DOCK1: variants seen among roughly 807,000 people sequenced by gnomAD.
The protein encoded by DOCK1 is dedicator of cytokinesis 1, also known as dedicator of cytokinesis protein 1.
Under a neutral mutation model 262.7 loss-of-function variants are expected in DOCK1, and 138 were observed. The ratio of observed to expected loss-of-function variants is 0.53; its 90% CI spans 0.46 to 0.61. The LOEUF is 0.61. Among genes scored for constraint, DOCK1 ranks in the 20% least tolerant of loss-of-function variants. The pLI is 0.00. For missense variants in DOCK1, 1,908 were observed against 2,370.7 expected, an observed-to-expected ratio of 0.80 and a Z score of 4.05; for synonymous variants, 866 against 867.4, an observed-to-expected ratio of 1.00 and a Z score of 0.03.
Position 127,418,322 on chromosome 10 carries a change from G to A in DOCK1, c.4516-43G>A, listed in dbSNP as rs2068282123. Reference sequence around the variant, plus strand: ...CCTCTGGTGAGACCCTGGGAGTGGAGGCAGCTGTGGGGCTGACATCGGGCT... The same window carrying A: ...CCTCTGGTGAGACCCTGGGAGTGGAAGCAGCTGTGGGGCTGACATCGGGCT... On this transcript the variant is annotated intron_variant, in intron 44 of 51. Transcript: ENST00000623213. The A allele has an allele frequency of 3.2e-6, 5 of 1,542,518 alleles. No individual in the cohort carries two copies. In the East Asian group the frequency reaches 1.2e-4, roughly 36 times the overall value.
chr10:127,257,211 T>C (rs561520235), intron 28 of DOCK1, 124 bp from the exon 29 acceptor site: 1 of 765,084 alleles, frequency 1.3e-6, no homozygotes, highest in African/African-American at 1.7e-5. Flanking sequence ...TATATCTTCA[T>C]TACTTTTCAG....
intron 14 of DOCK1, among the ~76,000 whole-genome samples, chr10:127,023,873 A>G (rs1564740640): frequency 6.6e-6 from 1 of 152,172 alleles, no homozygotes; most frequent in South Asian, 2.1e-4. Flanking sequence ...AGATGAAGAA[A>G]AATGAAGGCC....
intron 23 of DOCK1, among the ~76,000 whole-genome samples, chr10:127,102,634 G>A (rs948668349): frequency 6.6e-6 from 1 of 152,156 alleles, no homozygotes; most frequent in Non-Finnish European, 1.5e-5. Flanking sequence ...GTTTGGTTTG[G>A]GTGTTGACCA....
At chr10:127,129,773 C>T (rs1326834077) in intron 27 of DOCK1, among the ~76,000 whole-genome samples, 1 of 152,068 alleles carries the variant, frequency 6.6e-6, no homozygotes, top group Non-Finnish European at 1.5e-5. Context: ...TTGGGATGGG[C>T]GGACTTAGAG....
chr10:127,408,195 C>A (rs1277013474), intron 40 of DOCK1, among the ~76,000 whole-genome samples: 1 of 152,172 alleles, frequency 6.6e-6, no homozygotes, highest in East Asian at 1.9e-4. Context: ...TAACTCCCCT[C>A]CCCGCCCCGG....
In DOCK1 at chr10:127,018,714, G is replaced by A. The variant is rs199995435; in HGVS notation, c.1206G>A (p.Leu402=). The A allele has an allele frequency of 5.0e-6, 8 of 1,614,052 alleles. No individual in the cohort carries two copies. The highest frequency in any genetic ancestry group is 1.1e-5 in the South Asian group (1 of 91,084). Reference sequence around the variant, plus strand: ...GAGCATCCATTGTTTTTCCAGGTTTGTGGGTAACATTGAAATTACTTCCTG... The same window carrying A: ...GAGCATCCATTGTTTTTCCAGGTTTATGGGTAACATTGAAATTACTTCCTG... ...AKEVNHKGQG[L]WVTLKLLPGD... is the part of the protein sequence containing the mutation. The change falls in exon 13 of 52, where the codon TTG becomes TTA. Residue 402 remains leucine, a synonymous_variant. Coordinates refer to ENST00000623213, the MANE Select transcript of DOCK1 (RefSeq NM_001290223.2).
chr10:127,125,374 C>A lies in DOCK1; in HGVS notation c.2624-100C>A, dbSNP rs573151952. 4 of 1,543,298 alleles carry A rather than the reference C, an allele frequency of 2.6e-6. No individual in the cohort carries two copies. In the South Asian group the frequency reaches 3.6e-5, roughly 14 times the overall value. ...GATGTCAGTTCCACGTGTTGCACAA[C>A]GTGAATGCAAACTGCTTGAAAGGGC... On this transcript the variant is annotated intron_variant, in intron 25 of 51. Coordinates refer to ENST00000623213, the MANE Select transcript of DOCK1 (RefSeq NM_001290223.2).
rs1479416720 is a variant in DOCK1 at position 127,374,132 on chromosome 10, T to C, written c.3593T>C (p.Leu1198Ser). ...GETFVKLVVR[L>S]MERLLDYRTI... ...ACTTTTGTAAAACTCGTTGTGCGCT[T>C]AATGGAAAGGCTTTTGGATTATAGA... is the stretch of plus-strand genomic sequence containing the variant. Residue 1198 changes from leucine (L) to serine (S), a missense_variant, in exon 35 of 52, where the codon TTA (leucine) becomes TCA (serine). Around this residue, in one of 9 missense-constraint regions of DOCK1, gnomAD observed 518 missense variants for 575.1 expected, o/e 0.90. Transcript: ENST00000623213. The C allele has an allele frequency of 1.2e-6, 2 of 1,613,702 alleles. No individual in the cohort carries two copies. Among genetic ancestry groups the C allele is most frequent in the Admixed American group, 3.3e-5 (2 of 59,970 alleles).
At position 127,437,141 on chromosome 10, in the gene DOCK1, T is replaced by C. The variant is rs2069742601; in HGVS notation, c.5061-1886T>C. ...TTTAGGGACAAGATGACTTCATAGG[T>C]ACTTGTGTGTTCTTCCATTCAGAGG... On this transcript the variant is annotated intron_variant, in intron 48 of 51. Transcript: ENST00000623213. This position sits in a 1 kb window ranked among gnomAD's most constrained non-coding sequence, Gnocchi z 4.4. 6.6e-6 allele frequency among the ~76,000 whole-genome samples: 1 copy of C among 152,210 alleles called. No individual in the cohort carries two copies.
intron 48 of DOCK1, among the ~76,000 whole-genome samples, chr10:127,433,964 C>G (rs934626741): frequency 2.0e-5 from 3 of 151,924 alleles, no homozygotes; most frequent in African/African-American, 7.3e-5. Context: ...TGGGAAAAAG[C>G]AAGGTGCAGT....
At chr10:127,335,428 A>G (rs932825347) in intron 29 of DOCK1, among the ~76,000 whole-genome samples, 11 of 152,246 alleles carry the variant, frequency 7.2e-5, no homozygotes, top group East Asian at 1.9e-4. Flanking sequence ...TTAGCTTGCA[A>G]TCCTTCTCAT....
At chr10:127,011,797 T>A (rs77246361) in intron 11 of DOCK1, among the ~76,000 whole-genome samples, 1,553 of 151,874 alleles carry the variant, frequency 0.01, 26 homozygotes, top group African/African-American at 0.036. Context: ...TTTTTTTTTT[T>A]AAATCTTGAT....
chr10:127,450,158 C>A (rs1171526905), intron 51 of DOCK1, among the ~76,000 whole-genome samples: 1 of 152,184 alleles, frequency 6.6e-6, no homozygotes, highest in Non-Finnish European at 1.5e-5. Context: ...CATAGGACAT[C>A]TTTATATCAG....
At chr10:127,216,711 A>G (rs1026720830) in intron 27 of DOCK1, among the ~76,000 whole-genome samples, 2 of 152,218 alleles carry the variant, frequency 1.3e-5, no homozygotes, top group African/African-American at 2.4e-5. Flanking sequence ...ACATAGGCAT[A>G]TCTCAAAGTA....
At chr10:127,183,904 C>T (rs2055972470) in intron 27 of DOCK1, among the ~76,000 whole-genome samples, 1 of 152,062 alleles carries the variant, frequency 6.6e-6, no homozygotes, top group African/African-American at 2.4e-5. Flanking sequence ...CTGTTGTGAA[C>T]CTCTGTCTTC....
chr10:126,916,927 G>A (rs2032567183), intron 1 of DOCK1, among the ~76,000 whole-genome samples: 2 of 123,502 alleles, frequency 1.6e-5, no homozygotes, highest in East Asian at 3.1e-4. Context: ...TGAGGCCAGC[G>A]GTGTTTCAGA....
At chr10:127,393,373 ATCT>A (rs1407030098) in intron 38 of DOCK1, among the ~76,000 whole-genome samples, 1 of 152,132 alleles carries the variant, frequency 6.6e-6, no homozygotes, top group Non-Finnish European at 1.5e-5. Flanking sequence ...AATTAAGGAA[ATCT>A]TCATTACGTA....
chr10:126,987,391 C>A, intron 4 of DOCK1, 130 bp from the exon 5 acceptor site: 1 of 654,624 alleles, frequency 1.5e-6, no homozygotes. Flanking sequence ...TGCATGCAGT[C>A]TTATTTGTAG....
intron 21 of DOCK1, among the ~76,000 whole-genome samples, chr10:127,046,757 CAAAAA>C (rs5788823): frequency 4.1e-5 from 3 of 73,370 alleles, no homozygotes; most frequent in Admixed American, 1.9e-4. Flanking sequence ...CACTACGTCT[CAAAAA>C]AAAAAAAAAA....
Sources: gnomAD v4.1 joint callset for allele counts (sites outside exome capture counted in the v4.1 genomes callset) on GRCh38, gnomAD v4.1.1 for gene constraint, gnomAD v4.1.1 regional missense constraint, Gnocchi (gnomAD v3.1) non-coding constraint, MANE v1.5 for transcripts, NCBI Gene and HGNC (gene_info 2026-07-23, HGNC 2026-07-21) for gene names.